CAMTA1: variants seen among roughly 807,000 people sequenced by gnomAD.
The protein encoded by CAMTA1 is calmodulin-binding transcription activator 1.
In CAMTA1, 27 loss-of-function variants were observed where a neutral mutation model predicts 170.9. That is an observed-to-expected ratio of 0.16 (90% CI 0.12 to 0.22). The LOEUF is 0.22. Ranked by LOEUF, CAMTA1 falls within the 10% of genes least tolerant of loss-of-function variation. CAMTA1 has a pLI of 1.00. For missense variants in CAMTA1, 1,619 were observed against 2,217.2 expected, an observed-to-expected ratio of 0.73 and a Z score of 5.42; for synonymous variants, 833 against 891.5, an observed-to-expected ratio of 0.93 and a Z score of 1.17.
intron 5 of CAMTA1, among the ~76,000 whole-genome samples, chr1:7,275,778 A>C: frequency 6.6e-6 from 1 of 152,134 alleles, no homozygotes; most frequent in East Asian, 1.9e-4. Flanking sequence ...ATCTTTCCCC[A>C]AAAAGAAACC....
At chr1:7,440,584 AT>A (rs1386445134) in intron 5 of CAMTA1, among the ~76,000 whole-genome samples, 4 of 149,568 alleles carry the variant, frequency 2.7e-5, no homozygotes, top group Admixed American at 6.7e-5. Context: ...CACTCCTTTT[AT>A]TTTTTTTTTA....
At chr1:7,205,741 T>A (rs1345020664) in intron 4 of CAMTA1, among the ~76,000 whole-genome samples, 1 of 152,186 alleles carries the variant, frequency 6.6e-6, no homozygotes, top group Non-Finnish European at 1.5e-5. Context: ...AATCTTTTCT[T>A]TTACTGTGTG....
intron 11 of CAMTA1, among the ~76,000 whole-genome samples, chr1:7,683,473 G>A (rs1277072556): frequency 1.3e-4 from 20 of 151,990 alleles, no homozygotes; most frequent in Admixed American, 1.1e-3. Context: ...TCCCACCTCC[G>A]GGAGCTCTTT....
chr1:6,957,886 T>C (rs1689732672), intron 3 of CAMTA1, among the ~76,000 whole-genome samples: 1 of 152,222 alleles, frequency 6.6e-6, no homozygotes, highest in African/African-American at 2.4e-5. Flanking sequence ...CCCTCTGAGC[T>C]GGGCACAGGC....
rs564961872 is a variant in CAMTA1 at position 7,023,214 on chromosome 1, A to G, written c.235-68090A>G. Among the ~76,000 whole-genome samples the G allele has an allele frequency of 4.6e-5, 7 of 152,366 alleles. No homozygotes were observed. The East Asian group carries it at 9.6e-4, about 21-fold the overall frequency. Reference sequence around the variant, plus strand: ...TATGAGACCAAATCCTGCACTATCAATGTGGGCAGAAACTCCGAGCTGAGA... The same window carrying G: ...TATGAGACCAAATCCTGCACTATCAGTGTGGGCAGAAACTCCGAGCTGAGA... On this transcript the variant is annotated intron_variant, in intron 3 of 22. Transcript: ENST00000303635.
rs1644209756 is a variant in CAMTA1 at position 7,113,938 on chromosome 1, A to G, written c.302+22567A>G. On this transcript the variant is annotated intron_variant, in intron 4 of 22. Coordinates refer to ENST00000303635, the MANE Select transcript of CAMTA1 (RefSeq NM_015215.4). The surrounding 1 kb of genome is among the most constrained non-coding windows in gnomAD (Gnocchi z 4.5). The stretch of plus-strand genomic sequence containing the variant: ...TTTGTGGCCGTATTGGTCTTTCTTT[A>G]CATCATCGGCAAGCCACTGTTTCGG... Among the ~76,000 whole-genome samples the G allele has an allele frequency of 6.6e-6, 1 of 152,066 alleles. No individual in the cohort carries two copies. Among genetic ancestry groups the G allele is most frequent in the South Asian group, 2.1e-4 (1 of 4,824 alleles).
At chr1:7,145,589 C>T (rs1159115281) in intron 4 of CAMTA1, among the ~76,000 whole-genome samples, 1 of 152,150 alleles carries the variant, frequency 6.6e-6, no homozygotes, top group Non-Finnish European at 1.5e-5. Context: ...AGCCTTCCCT[C>T]GTCTCTGTCT....
intron 5 of CAMTA1, among the ~76,000 whole-genome samples, chr1:7,450,153 T>G (rs1352735242): frequency 6.6e-6 from 1 of 152,166 alleles, no homozygotes; most frequent in Non-Finnish European, 1.5e-5. Context: ...TCTGAATCCC[T>G]GTGGAATGTG....
intron 4 of CAMTA1, among the ~76,000 whole-genome samples, chr1:7,184,856 T>G (rs1344123580): frequency 6.6e-6 from 1 of 152,048 alleles, no homozygotes; most frequent in African/African-American, 2.4e-5. Context: ...ATGCTGAAAG[T>G]TGGGGGCAGC....
At chr1:7,511,854 C>T (rs1184237747) in intron 6 of CAMTA1, among the ~76,000 whole-genome samples, 1 of 152,202 alleles carries the variant, frequency 6.6e-6, no homozygotes, top group Non-Finnish European at 1.5e-5. Flanking sequence ...GTAGAGGAAA[C>T]ACCTAATACA....
chr1:7,148,886 C>G (rs1646397188), intron 4 of CAMTA1, among the ~76,000 whole-genome samples: 1 of 152,276 alleles, frequency 6.6e-6, no homozygotes, highest in East Asian at 1.9e-4. Flanking sequence ...GTTGTGGTCT[C>G]TGAGGTAGGT....
At position 7,600,495 on chromosome 1, in the gene CAMTA1, T is replaced by TC. The variant is rs554719824; in HGVS notation, c.511-39905_511-39904insC. ...GGATTCCCTCTTTTTCTTTTTCTTT[T>TC]TTTTTTTTTAATTGATCATTCTTGG... On this transcript the variant is annotated intron_variant, in intron 6 of 22. Transcript: ENST00000303635. Among the ~76,000 whole-genome samples, 151 of 151,538 alleles carry TC rather than the reference T, an allele frequency of 1.0e-3. 1 individual carries two copies. The highest frequency in any genetic ancestry group is 3.6e-3 in the African/African-American group (147 of 41,310).
intron 10 of CAMTA1, among the ~76,000 whole-genome samples, chr1:7,675,891 G>A (rs1183797514): frequency 1.3e-5 from 2 of 152,192 alleles, no homozygotes; most frequent in African/African-American, 2.4e-5. Context: ...CCTCTGCTCC[G>A]TCTCTCTGGG....
intron 3 of CAMTA1, among the ~76,000 whole-genome samples, chr1:6,922,973 A>G (rs1218497858): frequency 1.3e-5 from 2 of 152,092 alleles, no homozygotes; most frequent in Non-Finnish European, 2.9e-5. Flanking sequence ...TTGCACTTGT[A>G]TGAAGTGATA....
intron 22 of CAMTA1, among the ~76,000 whole-genome samples, chr1:7,760,406 G>A (rs114307963): frequency 0.01 from 1,568 of 152,188 alleles, 28 homozygotes; most frequent in African/African-American, 0.036. Context: ...CTAACAATGC[G>A]GGGAAGTGTA....
Position 7,580,912 on chromosome 1 carries a change from G to A in CAMTA1, c.511-59488G>A, listed in dbSNP as rs558046216. ...CTCGAGAAGGTCACATGACCTCGCT[G>A]GGCCTCAGTTTCCTCATCTGTAAAT... On this transcript the variant is annotated intron_variant, in intron 6 of 22. Transcript: ENST00000303635. This position sits in a 1 kb window ranked among gnomAD's most constrained non-coding sequence, Gnocchi z 4.3. 1.3e-4 allele frequency among the ~76,000 whole-genome samples: 20 copies of A among 152,324 alleles called. 1 individual carries two copies. The South Asian group carries it at 3.9e-3, about 30-fold the overall frequency.
intron 2 of CAMTA1, among the ~76,000 whole-genome samples, chr1:6,824,156 T>G (rs1646847476): frequency 6.6e-6 from 1 of 152,152 alleles, no homozygotes; most frequent in Admixed American, 6.6e-5. Context: ...TAGTACCTAG[T>G]TATGTGTACC....
intron 3 of CAMTA1, among the ~76,000 whole-genome samples, chr1:6,846,003 G>A (rs891853988): frequency 6.6e-6 from 1 of 152,108 alleles, no homozygotes; most frequent in African/African-American, 2.4e-5. Flanking sequence ...AATGTGCAGG[G>A]GAACTCCCGT....
intron 5 of CAMTA1, among the ~76,000 whole-genome samples, chr1:7,348,747 G>A (rs1020562485): frequency 3.9e-5 from 6 of 152,142 alleles, no homozygotes; most frequent in African/African-American, 1.2e-4. Flanking sequence ...CACCCCTTAC[G>A]TTCAAAACAG....
Sources: gnomAD v4.1 joint callset for allele counts (sites outside exome capture counted in the v4.1 genomes callset) on GRCh38, gnomAD v4.1.1 for gene constraint, Gnocchi (gnomAD v3.1) non-coding constraint, MANE v1.5 for transcripts, NCBI Gene and HGNC (gene_info 2026-07-23, HGNC 2026-07-21) for gene names.